Variants in PARP8 observed in about 807,000 individuals in gnomAD.
The protein encoded by PARP8 is poly(ADP-ribose) polymerase family member 8.
Under a neutral mutation model 124.1 loss-of-function variants are expected in PARP8, and 51 were observed. The observed-to-expected ratio is 0.41, with a 90% CI of 0.33 to 0.52. The LOEUF (loss-of-function observed/expected upper bound fraction) is 0.52. Among genes scored for constraint, PARP8 ranks in the 20% least tolerant of loss-of-function variants. The pLI, the probability that PARP8 is intolerant of heterozygous loss-of-function variation, is 0.21. For synonymous variants in PARP8, 391 were observed against 361.5 expected (o/e 1.08, Z -0.93); for missense variants, 860 against 1,018.9 (o/e 0.84, Z 2.12).
At chr5:50,835,248 A>C (rs542016592) in intron 25 of PARP8, among the ~76,000 whole-genome samples, 1 of 152,216 alleles carries the variant, frequency 6.6e-6, no homozygotes. Flanking sequence ...ACAACTAAAA[A>C]AAACACCATC....
intron 2 of PARP8, among the ~76,000 whole-genome samples, chr5:50,692,337 A>G (rs1752579641): frequency 6.6e-6 from 1 of 151,904 alleles, no homozygotes; most frequent in Admixed American, 6.6e-5. Flanking sequence ...ATTCCTGTTT[A>G]TTTCAGTGGA....
At chr5:50,707,627 CAGAGAGAGAGAGAGAGAG>C (rs34400961) in intron 2 of PARP8, among the ~76,000 whole-genome samples, 6 of 145,324 alleles carry the variant, frequency 4.1e-5, no homozygotes, top group African/African-American at 1.0e-4. Flanking sequence ...ATAGGGGAGA[CAGAGAGAGAGAGAGAGAG>C]AGAGAGAGAG....
chr5:50,705,069 A>T (rs542892623), intron 2 of PARP8, among the ~76,000 whole-genome samples: 2 of 152,348 alleles, frequency 1.3e-5, no homozygotes, highest in African/African-American at 4.8e-5. Flanking sequence ...CTTCATTGCC[A>T]TCCAGATTAT....
At chr5:50,784,520 C>T (rs1741022222) in intron 9 of PARP8, among the ~76,000 whole-genome samples, 1 of 152,130 alleles carries the variant, frequency 6.6e-6, no homozygotes, top group Non-Finnish European at 1.5e-5. Context: ...CATATCATCT[C>T]ATTATTGGTA....
intron 22 of PARP8, among the ~76,000 whole-genome samples, chr5:50,832,178 T>C (rs1467722363): frequency 6.6e-6 from 1 of 152,208 alleles, no homozygotes; most frequent in Admixed American, 6.5e-5. Context: ...TAACAGTAGA[T>C]GAACACTTTC....
chr5:50,689,526 A>T (rs565893488), intron 2 of PARP8, among the ~76,000 whole-genome samples: 1 of 152,250 alleles, frequency 6.6e-6, no homozygotes, highest in Non-Finnish European at 1.5e-5. Context: ...GGGGAATTCC[A>T]TTTGGGTCTT....
intron 14 of PARP8, among the ~76,000 whole-genome samples, chr5:50,813,589 T>A (rs1744733018): frequency 6.6e-6 from 1 of 152,128 alleles, no homozygotes; most frequent in African/African-American, 2.4e-5. Context: ...TTTATTTCTT[T>A]CTCCTGCCTG....
At chr5:50,687,059 GT>G (rs1019085825) in intron 2 of PARP8, among the ~76,000 whole-genome samples, 13 of 152,140 alleles carry the variant, frequency 8.5e-5, no homozygotes, top group Non-Finnish European at 1.0e-4. Context: ...CAGAAAATGG[GT>G]TTTTCTTTTC....
Position 50,795,907 on chromosome 5 carries a change from T to C in PARP8, c.1428+490T>C, listed in dbSNP as rs373011935. Reference sequence around the variant, plus strand: ...TGGAGAGAGGCAACATTTACCACTTTATCCCAGAGCCTCACTTAAAGTTGT... The same window carrying C: ...TGGAGAGAGGCAACATTTACCACTTCATCCCAGAGCCTCACTTAAAGTTGT... On this transcript the variant is annotated intron_variant, in intron 12 of 25. Coordinates refer to ENST00000281631, the MANE Select transcript of PARP8 (RefSeq NM_024615.4). Among the ~76,000 whole-genome samples the C allele has an allele frequency of 7.9e-5, 12 of 152,252 alleles. No individual in the cohort carries two copies. The East Asian group carries it at 2.1e-3, about 27-fold the overall frequency.
chr5:50,822,069 C>G (rs1423948290), intron 16 of PARP8, among the ~76,000 whole-genome samples: 3 of 152,148 alleles, frequency 2.0e-5, no homozygotes, highest in Non-Finnish European at 2.9e-5. Flanking sequence ...AATCAGGAGC[C>G]CCATAACTTT....
intron 9 of PARP8, among the ~76,000 whole-genome samples, chr5:50,781,571 G>T (rs879492155): frequency 6.6e-6 from 1 of 152,206 alleles, no homozygotes; most frequent in Non-Finnish European, 1.5e-5. Flanking sequence ...GCCCTACCCT[G>T]TTCCCCTGGG....
intron 2 of PARP8, among the ~76,000 whole-genome samples, chr5:50,733,278 A>G (rs1408900818): frequency 6.6e-6 from 1 of 151,994 alleles, no homozygotes; most frequent in Non-Finnish European, 1.5e-5. Flanking sequence ...CCTGGGTGAC[A>G]GGCTCAAAAA....
intron 19 of PARP8, among the ~76,000 whole-genome samples, chr5:50,827,676 G>A (rs1580481376): frequency 6.6e-6 from 1 of 152,220 alleles, no homozygotes; most frequent in Non-Finnish European, 1.5e-5. Context: ...GTATTCCAAA[G>A]CTAAATATAA....
chr5:50,667,060 G>A lies in PARP8; in HGVS notation c.-36G>A. The A allele has an allele frequency of 1.3e-6, 2 of 1,596,202 alleles. No homozygotes were observed. Among genetic ancestry groups the A allele is most frequent in the South Asian group, 1.1e-5 (1 of 90,982 alleles). Reference sequence around the variant, plus strand: ...CGTGCGAGGGGGGTGGGGTGGGGTGGAAATAGCGGCTGCTTCTTTTCCAGG... The same window carrying A: ...CGTGCGAGGGGGGTGGGGTGGGGTGAAAATAGCGGCTGCTTCTTTTCCAGG... On this transcript the variant is annotated 5_prime_UTR_variant, in exon 1 of 26. Transcript: ENST00000281631.
chr5:50,816,617 A>G (rs1290688942), intron 15 of PARP8, among the ~76,000 whole-genome samples: 1 of 152,236 alleles, frequency 6.6e-6, no homozygotes, highest in Non-Finnish European at 1.5e-5. Context: ...AATGAAACAA[A>G]TAATACAAAG....
At chr5:50,816,957 C>A (rs1191369838) in intron 15 of PARP8, among the ~76,000 whole-genome samples, 1 of 151,994 alleles carries the variant, frequency 6.6e-6, no homozygotes, top group East Asian at 1.9e-4. Flanking sequence ...TAAAACCTTA[C>A]AAGGGATATG....
intron 14 of PARP8, among the ~76,000 whole-genome samples, chr5:50,811,554 C>T (rs747308477): frequency 1.3e-5 from 2 of 150,838 alleles, no homozygotes; most frequent in South Asian, 2.1e-4. Context: ...ATTTCAATCT[C>T]GCGTAGTAAG....
chr5:50,794,827 G>C (rs1264415942), intron 11 of PARP8, 26 bp from the exon 12 acceptor site: 3 of 1,586,642 alleles, frequency 1.9e-6, no homozygotes, highest in Non-Finnish European at 2.6e-6. Flanking sequence ...GATTTGCCCT[G>C]TAGTAATTGT....
intron 2 of PARP8, among the ~76,000 whole-genome samples, chr5:50,701,165 C>T (rs190651097): frequency 5.3e-4 from 81 of 152,184 alleles, no homozygotes; most frequent in African/African-American, 1.8e-3. Context: ...GATTTGACAG[C>T]CTACGTTGTT....
Sources: allele counts gnomAD v4.1 joint callset (sites outside exome capture counted in the v4.1 genomes callset), GRCh38; gene constraint gnomAD v4.1.1; transcripts MANE v1.5; gene names NCBI Gene and HGNC (gene_info 2026-07-23, HGNC 2026-07-21).